CTNND2: variants seen among roughly 807,000 people sequenced by gnomAD.
CTNND2 encodes the protein catenin delta-2.
A neutral mutation model predicts 144.4 loss-of-function variants in CTNND2; 22 were observed. The observed-to-expected ratio is 0.15, with a 90% CI of 0.11 to 0.22. CTNND2 has a LOEUF of 0.22. CTNND2 is among the 10% of genes least tolerant of loss of function. The probability of loss-of-function intolerance (pLI) is 1.00; values close to 1 mark genes in which losing one functional copy is unlikely to be tolerated. For missense variants in CTNND2, 1,353 were observed against 1,618.8 expected, an observed-to-expected ratio of 0.84 and a Z score of 2.82; for synonymous variants, 751 against 695.6, an observed-to-expected ratio of 1.08 and a Z score of -1.25.
chr5:11,309,458 G>A (rs1224227025), intron 9 of CTNND2, among the ~76,000 whole-genome samples: 1 of 152,152 alleles, frequency 6.6e-6, no homozygotes, highest in African/African-American at 2.4e-5. Flanking sequence ...CTTGAATGGA[G>A]CCTGTAGCCC....
chr5:11,653,071 G>A (rs1281389867), intron 2 of CTNND2, among the ~76,000 whole-genome samples: 1 of 944 alleles, frequency 1.1e-3, no homozygotes, highest in East Asian at 2.3e-3. Flanking sequence ...AACAAAATTC[G>A]TGTGTGTGTG....
At chr5:11,670,355 AG>A (rs373952008) in intron 2 of CTNND2, among the ~76,000 whole-genome samples, 75 of 152,282 alleles carry the variant, frequency 4.9e-4, no homozygotes, top group African/African-American at 1.7e-3. Flanking sequence ...CGGCTGTTAA[AG>A]TCTTCCATTA....
intron 10 of CTNND2, among the ~76,000 whole-genome samples, chr5:11,235,153 A>G (rs183569666): frequency 1.7e-3 from 264 of 152,030 alleles, no homozygotes; most frequent in African/African-American, 6.3e-3. Flanking sequence ...GCACTACAAC[A>G]CTCTTGAATC....
chr5:10,980,558 A>T (rs2149484898), intron 21 of CTNND2, among the ~76,000 whole-genome samples: 1 of 152,296 alleles, frequency 6.6e-6, no homozygotes, highest in Middle Eastern at 3.4e-3. Flanking sequence ...ATATACCCAA[A>T]GGGTTATAAA....
chr5:11,569,950 C>T (rs1285351197), intron 2 of CTNND2, among the ~76,000 whole-genome samples: 1 of 152,172 alleles, frequency 6.6e-6, no homozygotes, highest in South Asian at 2.1e-4. Context: ...AATGTTTCAG[C>T]TATTTATAAG....
chr5:11,618,017 C>T (rs753489567), intron 2 of CTNND2, among the ~76,000 whole-genome samples: 2 of 152,094 alleles, frequency 1.3e-5, no homozygotes. Context: ...TTATTTTTCA[C>T]GTATTTAGGA....
intron 2 of CTNND2, among the ~76,000 whole-genome samples, chr5:11,657,628 T>A (rs1470624369): frequency 6.6e-6 from 1 of 152,164 alleles, no homozygotes; most frequent in African/African-American, 2.4e-5. Flanking sequence ...TTAGTGACAA[T>A]CACACTAAAG....
intron 1 of CTNND2, among the ~76,000 whole-genome samples, chr5:11,797,837 A>G (rs1172899119): frequency 6.6e-6 from 1 of 152,240 alleles, no homozygotes; most frequent in Non-Finnish European, 1.5e-5. Flanking sequence ...AGACAGTGCC[A>G]TAAGTTTCCT....
At chr5:11,283,914 T>C (rs1355442525) in intron 9 of CTNND2, among the ~76,000 whole-genome samples, 1 of 152,202 alleles carries the variant, frequency 6.6e-6, no homozygotes, top group African/African-American at 2.4e-5. Flanking sequence ...TGTGGTTCTG[T>C]TCACGTCGTC....
At chr5:11,189,898 T>G (rs1275075461) in intron 11 of CTNND2, among the ~76,000 whole-genome samples, 1 of 152,186 alleles carries the variant, frequency 6.6e-6, no homozygotes, top group Non-Finnish European at 1.5e-5. Flanking sequence ...CCTAATTGGA[T>G]TACAGTCAGT....
intron 1 of CTNND2, among the ~76,000 whole-genome samples, chr5:11,828,511 CAA>C (rs1793719048): frequency 6.6e-6 from 1 of 152,068 alleles, no homozygotes; most frequent in African/African-American, 2.4e-5. Context: ...GCCTGGGCAA[CAA>C]GAGTGAAACT....
chr5:11,185,846 G>A (rs891440850), intron 11 of CTNND2, among the ~76,000 whole-genome samples: 2 of 152,212 alleles, frequency 1.3e-5, no homozygotes, highest in Non-Finnish European at 2.9e-5. Flanking sequence ...GCTATGTTGT[G>A]TTCGTTAACA....
chr5:11,747,654 A>G (rs5011757), intron 1 of CTNND2, among the ~76,000 whole-genome samples: 148,955 of 152,258 alleles, frequency 0.98, 72,938 homozygotes, highest in East Asian at 1. Context: ...AAACAAATAC[A>G]CAGTTTTCCA....
chr5:11,436,347 A>G (rs568681527), intron 3 of CTNND2, among the ~76,000 whole-genome samples: 1 of 152,208 alleles, frequency 6.6e-6, no homozygotes, highest in Non-Finnish European at 1.5e-5. Flanking sequence ...CAGGCTATTT[A>G]TTAGAGCAAT....
At chr5:11,109,639 T>C (rs920114152) in intron 14 of CTNND2, among the ~76,000 whole-genome samples, 1 of 152,234 alleles carries the variant, frequency 6.6e-6, no homozygotes, top group African/African-American at 2.4e-5. Flanking sequence ...ACATAATGTC[T>C]TACACCTTTC....
intron 3 of CTNND2, among the ~76,000 whole-genome samples, chr5:11,482,619 A>G (rs1768390016): frequency 6.6e-6 from 1 of 152,110 alleles, no homozygotes; most frequent in African/African-American, 2.4e-5. Context: ...AGAGGAGAAC[A>G]AGCGGGAAGG....
Position 11,577,117 on chromosome 5 carries a change from A to C in CTNND2, c.175-12061T>G, listed in dbSNP as rs190059953. Among the ~76,000 whole-genome samples, 5 of 152,282 alleles carry C rather than the reference A, an allele frequency of 3.3e-5. No homozygotes were observed. In the East Asian group the frequency reaches 9.6e-4, roughly 29 times the overall value. ...CAAAAGTTCCAATTATTTTTGACTT[A>C]TTATTATGTTTTATTTCAAGGCAAG... On this transcript the variant is annotated intron_variant, in intron 2 of 21. Transcript: ENST00000304623.
chr5:11,087,619 A>C (rs1259049247), intron 15 of CTNND2, among the ~76,000 whole-genome samples: 2 of 152,206 alleles, frequency 1.3e-5, no homozygotes, highest in African/African-American at 4.8e-5. Flanking sequence ...CAAAATTTCT[A>C]AATCTATTTT....
At chr5:11,789,893 A>T (rs1016517255) in intron 1 of CTNND2, among the ~76,000 whole-genome samples, 1 of 152,146 alleles carries the variant, frequency 6.6e-6, no homozygotes, top group East Asian at 1.9e-4. Flanking sequence ...TTCTGCTAAG[A>T]GATTTGTTTT....
Sources: allele counts gnomAD v4.1 joint callset (sites outside exome capture counted in the v4.1 genomes callset), GRCh38; gene constraint gnomAD v4.1.1; transcripts MANE v1.5; gene names NCBI Gene and HGNC (gene_info 2026-07-23, HGNC 2026-07-21).